The following FUT9 variants were observed in gnomAD, a reference collection of about 807,000 sequenced individuals.
FUT9 encodes the protein 4-galactosyl-N-acetylglucosaminide 3-alpha-L-fucosyltransferase 9.
In FUT9, 15 loss-of-function variants were observed where a neutral mutation model predicts 29.7. The ratio of observed to expected loss-of-function variants is 0.51; its 90% confidence interval spans 0.34 to 0.78. FUT9 has a LOEUF of 0.78. Ranked by LOEUF, FUT9 falls within the 30% of genes least tolerant of loss-of-function variation. The pLI is 0.01. For missense variants in FUT9, 319 were observed against 425.4 expected (o/e 0.75, Z 2.20); for synonymous variants, 169 against 153.7 (o/e 1.10, Z -0.74).
chr6:96,172,463 T>C (rs1773130390), intron 2 of FUT9, among the ~76,000 whole-genome samples: 1 of 152,210 alleles, frequency 6.6e-6, no homozygotes. Context: ...GTGATTGTTG[T>C]TACATCTTTT....
chr6:96,198,107 T>C (rs1044450978), intron 2 of FUT9, among the ~76,000 whole-genome samples: 1 of 152,066 alleles, frequency 6.6e-6, no homozygotes, highest in African/African-American at 2.4e-5. Flanking sequence ...AGTGTTCTTT[T>C]TTTTTCCTTT....
chr6:96,076,598 C>G (rs1171952762), intron 1 of FUT9, among the ~76,000 whole-genome samples: 1 of 152,156 alleles, frequency 6.6e-6, no homozygotes, highest in East Asian at 1.9e-4. Flanking sequence ...AACATATATA[C>G]TTGGCATTGG....
intron 1 of FUT9, among the ~76,000 whole-genome samples, chr6:96,101,811 G>A (rs530164631): frequency 2.3e-4 from 33 of 143,200 alleles, no homozygotes; most frequent in African/African-American, 8.2e-4. Context: ...GCACCACCAC[G>A]CCCAGCTATT....
At position 96,204,733 on chromosome 6, in the gene FUT9, C is replaced by T. The variant is rs1193356973; in HGVS notation, c.*498C>T. ...AGATGAATGAAGTGTATAACTGTCT[C>T]TATTTGATCTATTTTTTTTACCTGT... is the stretch of plus-strand genomic sequence containing the variant. On this transcript the variant is annotated 3_prime_UTR_variant, in exon 3 of 3. Transcript: ENST00000302103. The T allele has an allele frequency of 1.2e-5, 2 of 166,738 alleles. No homozygotes were observed. Among genetic ancestry groups the T allele is most frequent in the African/African-American group, 4.8e-5 (2 of 41,412 alleles). The allele number at this position is 166,738 out of a possible 1,614,324, so 10.3% of individuals were successfully genotyped here.
At chr6:96,125,484 G>T (rs1177602243) in intron 2 of FUT9, among the ~76,000 whole-genome samples, 2 of 152,090 alleles carry the variant, frequency 1.3e-5, no homozygotes, top group African/African-American at 4.8e-5. Flanking sequence ...TTAAAATCTG[G>T]TATTGTCTAT....
intron 1 of FUT9, among the ~76,000 whole-genome samples, chr6:96,106,119 T>C (rs577604374): frequency 1.3e-5 from 2 of 152,236 alleles, no homozygotes; most frequent in East Asian, 1.9e-4. Flanking sequence ...CCTAGAGTTC[T>C]GGAGTTCTGG....
At chr6:96,118,744 G>T (rs967677602) in intron 2 of FUT9, among the ~76,000 whole-genome samples, 4 of 152,224 alleles carry the variant, frequency 2.6e-5, no homozygotes, top group Admixed American at 2.0e-4. Context: ...GTCCATGCAC[G>T]TTATTGCCCC....
chr6:96,101,955 G>A lies in FUT9; in HGVS notation c.-97-12084G>A, dbSNP rs569781036. On this transcript the variant is annotated intron_variant, in intron 1 of 2. Coordinates refer to ENST00000302103, the MANE Select transcript of FUT9 (RefSeq NM_006581.4). ...TTATTAGAATATGTTTATATATGAAGATATATTTAATAGTTACTTATTTCA... is the reference window on the plus strand; with the variant it reads ...TTATTAGAATATGTTTATATATGAAAATATATTTAATAGTTACTTATTTCA... Among the ~76,000 whole-genome samples, 10 of 151,844 alleles carry A rather than the reference G, an allele frequency of 6.6e-5. No individual in the cohort carries two copies. In the South Asian group the frequency reaches 2.1e-3, roughly 32 times the overall value.
intron 1 of FUT9, among the ~76,000 whole-genome samples, chr6:96,112,679 TG>T (rs972504223): frequency 2.6e-5 from 4 of 152,264 alleles, no homozygotes; most frequent in African/African-American, 7.2e-5. Context: ...CGTGTGTGCA[TG>T]GGTGTATGTA....
At chr6:96,131,146 T>C (rs1179976846) in intron 2 of FUT9, among the ~76,000 whole-genome samples, 5 of 152,098 alleles carry the variant, frequency 3.3e-5, no homozygotes, top group Non-Finnish European at 7.4e-5. Flanking sequence ...CCTATTTCTC[T>C]TTTACTCTAA....
In FUT9 at chr6:96,205,777, T is replaced by C. The variant is rs1039050620; in HGVS notation, c.*1542T>C. On this transcript the variant is annotated 3_prime_UTR_variant, in exon 3 of 3. Coordinates refer to ENST00000302103, the MANE Select transcript of FUT9 (RefSeq NM_006581.4). ...TCCATTTGGGTCTATTTGTGACTTA[T>C]TCGTATTACAAATTGACATCAGCAA... The C allele has an allele frequency of 1.2e-5, 2 of 166,712 alleles. No individual in the cohort carries two copies. The highest frequency in any genetic ancestry group is 4.8e-5 in the African/African-American group (2 of 41,436). The allele number at this position is 166,712 out of a possible 1,614,324, so 10.3% of individuals were successfully genotyped here.
In FUT9 at chr6:96,167,537, G is replaced by C. The variant is rs116486715; in HGVS notation, c.-8-35611G>C. ...AACAAACATTTATGAAGCACTTACT[G>C]TGTGCCAGAAAATGTCTAGACATGT... On this transcript the variant is annotated intron_variant, in intron 2 of 2. Coordinates refer to ENST00000302103, the MANE Select transcript of FUT9 (RefSeq NM_006581.4). Among the ~76,000 whole-genome samples the C allele has an allele frequency of 4.1e-3, 631 of 152,284 alleles. 5 individuals are homozygous for C. Among genetic ancestry groups the C allele is most frequent in the African/African-American group, 0.015 (607 of 41,540 alleles).
In FUT9 at chr6:96,050,407, T is replaced by A. The variant is rs1176357442; in HGVS notation, c.-98+34195T>A. On this transcript the variant is annotated intron_variant, in intron 1 of 2. Coordinates refer to ENST00000302103, the MANE Select transcript of FUT9 (RefSeq NM_006581.4). ...AATTAAAAATGCAATGCCTGTTTAG[T>A]TTGTAGTTTAGTTTTTCAGTCATGA... Among the ~76,000 whole-genome samples the A allele has an allele frequency of 7.9e-5, 12 of 152,202 alleles. 1 individual carries two copies. The highest frequency in any genetic ancestry group is 4.6e-4 in the Admixed American group (7 of 15,280).
intron 2 of FUT9, among the ~76,000 whole-genome samples, chr6:96,190,735 T>G (rs946642895): frequency 6.6e-6 from 1 of 152,202 alleles, no homozygotes. Flanking sequence ...ACATAATTCT[T>G]GTGCCATGGT....
chr6:96,201,693 GGATT>G, intron 2 of FUT9, among the ~76,000 whole-genome samples: 1 of 151,742 alleles, frequency 6.6e-6, no homozygotes, highest in East Asian at 1.9e-4. Context: ...TGTATTCCAA[GGATT>G]GATTAATAAT....
rs753075914 is a variant in FUT9, at chr6:96,203,140, T to C, written c.-8-8T>C. On this transcript the variant is annotated splice_region_variant and splice_polypyrimidine_tract_variant and intron_variant, in intron 2 of 2. Transcript: ENST00000302103. ...CTACCTCCCCTTCTGTCTTTCTCTA[T>C]TTCGTAGGAAAAATTATGACATCAA... 2 of 1,577,404 alleles carry C rather than the reference T, an allele frequency of 1.3e-6. No homozygotes were observed. The highest frequency in any genetic ancestry group is 2.3e-5 in the East Asian group (1 of 44,266).
chr6:96,136,724 A>T (rs1772355102), intron 2 of FUT9, among the ~76,000 whole-genome samples: 1 of 151,954 alleles, frequency 6.6e-6, no homozygotes, highest in Admixed American at 6.6e-5. Context: ...TTCCAAAGAA[A>T]TGTAGTCATA....
intron 1 of FUT9, among the ~76,000 whole-genome samples, chr6:96,099,194 C>T (rs149567589): frequency 6.6e-6 from 1 of 151,908 alleles, no homozygotes; most frequent in Non-Finnish European, 1.5e-5. Flanking sequence ...AAGCAAATCA[C>T]TAAAGATGAT....
chr6:96,021,948 A>G (rs572412447), intron 1 of FUT9, among the ~76,000 whole-genome samples: 206 of 152,142 alleles, frequency 1.4e-3, no homozygotes, highest in African/African-American at 4.8e-3. Context: ...TTACCAAGAG[A>G]AAAAAATAAG....
Sources: allele counts gnomAD v4.1 joint callset (sites outside exome capture counted in the v4.1 genomes callset), GRCh38; gene constraint gnomAD v4.1.1; transcripts MANE v1.5; gene names NCBI Gene and HGNC (gene_info 2026-07-23, HGNC 2026-07-21).